Variants in PRRC2B observed in about 807,000 individuals in gnomAD.
PRRC2B encodes protein PRRC2B.
Under a neutral mutation model 242.3 loss-of-function variants are expected in PRRC2B, and 68 were observed. That is an observed-to-expected ratio of 0.28 (90% CI 0.23 to 0.34). PRRC2B has a LOEUF of 0.34. Among genes scored for constraint, PRRC2B ranks in the 10% least tolerant of loss-of-function variants. The probability of loss-of-function intolerance (pLI) is 1.00; values close to 1 mark genes in which losing one functional copy is unlikely to be tolerated. For synonymous variants in PRRC2B, 1,228 were observed against 1,173.6 expected, an observed-to-expected ratio of 1.05 and a Z score of -0.95; for missense variants, 2,835 against 2,954.8, an observed-to-expected ratio of 0.96 and a Z score of 0.94.
rs555240092 is a variant in PRRC2B at position 131,476,231 on chromosome 9, G to A, written c.4102G>A (p.Asp1368Asn). 6.8e-6 allele frequency: 11 copies of A among 1,613,034 alleles called. No homozygotes were observed. The highest frequency in any genetic ancestry group is 2.7e-5 in the African/African-American group (2 of 75,056). The change falls in exon 16 of 32, where the codon GAT becomes AAT. Residue 1368 changes from aspartate (D) to asparagine (N), a missense_variant. Physicochemically the swap from Asp to Asn is conservative, Grantham distance 23. Transcript: ENST00000683519. ...SPELSYQNSS[D>N]HANEEWETAS... The stretch of plus-strand genomic sequence containing the variant: ...TGAGCTCTCCTACCAGAACTCCTCC[G>A]ATCACGCCAATGAGGAGTGGGAGAC...
At chr9:131,402,125 T>G (rs1280214836) in intron 1 of PRRC2B, among the ~76,000 whole-genome samples, 1 of 151,982 alleles carries the variant, frequency 6.6e-6, no homozygotes, top group Non-Finnish European at 1.5e-5. Flanking sequence ...CTGGCTAATT[T>G]TTGTATTTTT....
intron 12 of PRRC2B, among the ~76,000 whole-genome samples, chr9:131,467,229 C>T (rs1943422689): frequency 6.6e-6 from 1 of 152,214 alleles, no homozygotes; most frequent in Non-Finnish European, 1.5e-5. Flanking sequence ...GCCACTGCAC[C>T]CGGCCTTATT....
chr9:131,491,184 C>T (rs899338839), intron 28 of PRRC2B: 11 of 461,316 alleles, frequency 2.4e-5, no homozygotes, highest in East Asian at 7.5e-5. Flanking sequence ...TAGTCTTGCC[C>T]GTTTTCTCAC....
chr9:131,461,293 A>G (rs1193098279), intron 11 of PRRC2B, among the ~76,000 whole-genome samples: 2 of 152,092 alleles, frequency 1.3e-5, no homozygotes, highest in African/African-American at 2.4e-5. Flanking sequence ...CTGCCTATGA[A>G]TGTCCCCCTC....
chr9:131,474,364 T>A lies in PRRC2B; in HGVS notation c.2325-90T>A, dbSNP rs999530155. Reference sequence around the variant, plus strand: ...AAGTGTTTTAGTTTTTGTTTTTGTTTTTTCTTTTTAAAACTAAGCTCTGTG... The same window carrying A: ...AAGTGTTTTAGTTTTTGTTTTTGTTATTTCTTTTTAAAACTAAGCTCTGTG... On this transcript the variant is annotated intron_variant, in intron 15 of 31. Coordinates refer to ENST00000683519, the MANE Select transcript of PRRC2B (RefSeq NM_013318.4). The A allele has an allele frequency of 4.9e-5, 57 of 1,168,510 alleles. 1 individual carries two copies. The highest frequency in any genetic ancestry group is 6.2e-5 in the Non-Finnish European group (52 of 841,466). 72.4% of individuals were successfully genotyped at this position (1,168,510 alleles called of 1,614,324 possible).
intron 1 of PRRC2B, among the ~76,000 whole-genome samples, chr9:131,404,291 C>T (rs1837305629): frequency 6.8e-6 from 1 of 147,814 alleles, no homozygotes; most frequent in Admixed American, 6.9e-5. Flanking sequence ...GTGATCTTGG[C>T]TCACTGCAAC....
At chr9:131,402,384 T>C (rs922893250) in intron 1 of PRRC2B, among the ~76,000 whole-genome samples, 2 of 152,234 alleles carry the variant, frequency 1.3e-5, no homozygotes, top group East Asian at 3.8e-4. Flanking sequence ...TTTAGCATAG[T>C]ATTTCCAAGG....
Position 131,467,548 on chromosome 9 carries a change from T to A in PRRC2B, c.1721-15T>A. The A allele has an allele frequency of 6.4e-7, 1 of 1,568,620 alleles. No individual in the cohort carries two copies. Among genetic ancestry groups the A allele is most frequent in the Non-Finnish European group, 8.7e-7 (1 of 1,156,058 alleles). On this transcript the variant is annotated splice_polypyrimidine_tract_variant and intron_variant, in intron 12 of 31. Transcript: ENST00000683519. ...TGAGCTCACTGTGTCATTTCTCTGCTGGTATATTCTCTAGGCTCCCCAGAA... is the reference window on the plus strand; with the variant it reads ...TGAGCTCACTGTGTCATTTCTCTGCAGGTATATTCTCTAGGCTCCCCAGAA...
At chr9:131,382,870 C>T (rs1346967409) in intron 1 of PRRC2B, among the ~76,000 whole-genome samples, 1 of 152,100 alleles carries the variant, frequency 6.6e-6, no homozygotes, top group Non-Finnish European at 1.5e-5. Flanking sequence ...TTCTCGAACT[C>T]CTGACCTCAA....
Position 131,467,545 on chromosome 9 carries a change from T to C in PRRC2B, c.1721-18T>C. ...CTGTGAGCTCACTGTGTCATTTCTC[T>C]GCTGGTATATTCTCTAGGCTCCCCA... On this transcript the variant is annotated intron_variant, in intron 12 of 31. Coordinates refer to ENST00000683519, the MANE Select transcript of PRRC2B (RefSeq NM_013318.4). 3.2e-6 allele frequency: 5 copies of C among 1,563,786 alleles called. No homozygotes were observed. Among genetic ancestry groups the C allele is most frequent in the Non-Finnish European group, 4.3e-6 (5 of 1,153,134 alleles).
chr9:131,479,885 C>G (rs1189025221), intron 19 of PRRC2B, among the ~76,000 whole-genome samples: 1 of 152,054 alleles, frequency 6.6e-6, no homozygotes, highest in East Asian at 1.9e-4. Context: ...AGACGGTATA[C>G]GTTACTTCTT....
chr9:131,447,238 G>A, intron 8 of PRRC2B, 32 bp downstream of exon 8: 1 of 1,613,410 alleles, frequency 6.2e-7, no homozygotes, highest in Non-Finnish European at 8.5e-7. Context: ...CACGTGTGTA[G>A]AGATGAGTGC....
Position 131,432,597 on chromosome 9 carries a change from C to T in PRRC2B, c.116-20C>T, listed in dbSNP as rs1280838664. 6.2e-7 allele frequency: 1 copy of T among 1,610,890 alleles called. No homozygotes were observed. Among genetic ancestry groups the T allele is most frequent in the East Asian group, 2.2e-5 (1 of 44,882 alleles). ...GTGACCTTTTTGCATGGTGTCTGTT[C>T]CATGTCCCTCTCCCTGCAGTTATTC... On this transcript the variant is annotated intron_variant, in intron 2 of 31. Transcript: ENST00000683519.
intron 5 of PRRC2B, among the ~76,000 whole-genome samples, chr9:131,440,616 C>T (rs193295116): frequency 1.3e-4 from 20 of 152,240 alleles, no homozygotes; most frequent in African/African-American, 4.8e-4. Flanking sequence ...AAATGACTTG[C>T]GCATAAGATT....
At chr9:131,465,373 C>T (rs7865819) in intron 12 of PRRC2B, among the ~76,000 whole-genome samples, 145,994 of 152,254 alleles carry the variant, frequency 0.96, 70,279 homozygotes, top group East Asian at 1. Flanking sequence ...TAGTACCCAA[C>T]AGGTAGTTTT....
intron 12 of PRRC2B, 75 bp downstream of exon 12, chr9:131,465,153 T>C: frequency 7.1e-7 from 1 of 1,398,994 alleles, no homozygotes; most frequent in South Asian, 1.4e-5. Flanking sequence ...GCAACTGCCT[T>C]CCTTCTTAGC....
intron 1 of PRRC2B, among the ~76,000 whole-genome samples, chr9:131,401,538 AC>A (rs1837227429): frequency 6.6e-6 from 1 of 151,198 alleles, no homozygotes; most frequent in Non-Finnish European, 1.5e-5. Flanking sequence ...TTTTGTAGAG[AC>A]GGGGTTTCAC....
intron 17 of PRRC2B, 137 bp from the exon 18 acceptor site, chr9:131,478,337 C>T (rs4076428): frequency 0.39 from 312,557 of 804,890 alleles, 68,912 homozygotes; most frequent in East Asian, 0.8. Context: ...AGATCAGAGG[C>T]GGCCTGAGAA....
chr9:131,477,661 G>A (rs999145396), intron 16 of PRRC2B, 83 bp from the exon 17 acceptor site: 12 of 825,184 alleles, frequency 1.5e-5, no homozygotes, highest in East Asian at 2.7e-5. Flanking sequence ...TCAGGGTGCC[G>A]GGCTTGTGTG....
Sources: allele counts gnomAD v4.1 joint callset (sites outside exome capture counted in the v4.1 genomes callset), GRCh38; gene constraint gnomAD v4.1.1; transcripts MANE v1.5; gene names NCBI Gene and HGNC (gene_info 2026-07-23, HGNC 2026-07-21).